The following SP100 variants were observed in gnomAD, a reference collection of about 807,000 sequenced individuals.
SP100 encodes the protein SP100 nuclear body protein.
SP100 carries 84 observed loss-of-function variants against 130.0 expected under a neutral mutation model. That is an observed-to-expected ratio of 0.65 (90% CI 0.54 to 0.77). The LOEUF (loss-of-function observed/expected upper bound fraction) is 0.77, where lower values mean the gene tolerates loss of function less well. Ranked by LOEUF, SP100 falls within the 30% of genes least tolerant of loss-of-function variation. SP100 has a pLI of 0.00. For missense variants in SP100, 978 were observed against 1,052.2 expected, an observed-to-expected ratio of 0.93 and a Z score of 0.97; for synonymous variants, 331 against 351.7, an observed-to-expected ratio of 0.94 and a Z score of 0.66.
chr2:230,449,122 G>T lies in SP100; in HGVS notation c.558G>T (p.Trp186Cys). The T allele has an allele frequency of 1.2e-6, 2 of 1,613,404 alleles. No individual in the cohort carries two copies. The highest frequency in any genetic ancestry group is 1.6e-4 in the Middle Eastern group (1 of 6,062). Reference sequence around the variant, plus strand: ...AAAACTCTTTTCGAAGCCTGACTTGGCCACCTTCGGGTTCCCCATCTCATG... The same window carrying T: ...AAAACTCTTTTCGAAGCCTGACTTGTCCACCTTCGGGTTCCCCATCTCATG... ...TGENSFRSLTWPPSGSPSHAG... is the reference protein window; with the variant it reads ...TGENSFRSLTCPPSGSPSHAG... Residue 186 changes from tryptophan (W) to cysteine (C), a missense_variant, in exon 6 of 29, where the codon TGG becomes TGT. Transcript: ENST00000340126.
intron 8 of SP100, among the ~76,000 whole-genome samples, chr2:230,452,617 C>T (rs188264813): frequency 1.9e-4 from 29 of 152,212 alleles, no homozygotes; most frequent in African/African-American, 6.5e-4. Flanking sequence ...TTCATCAATG[C>T]CTTAGCATTT....
chr2:230,511,005 A>T, intron 23 of SP100, 120 bp from the exon 24 acceptor site: 1 of 735,832 alleles, frequency 1.4e-6, no homozygotes, highest in South Asian at 1.5e-5. Context: ...ATAAAAGCAG[A>T]CATGAAACAA....
At chr2:230,433,194 G>A (rs1331781867) in intron 2 of SP100, among the ~76,000 whole-genome samples, 1 of 152,176 alleles carries the variant, frequency 6.6e-6, no homozygotes, top group East Asian at 1.9e-4. Flanking sequence ...TGAGGTAAGG[G>A]TCTAATTTCA....
intron 8 of SP100, among the ~76,000 whole-genome samples, chr2:230,451,025 G>C (rs1235809814): frequency 6.6e-6 from 1 of 152,122 alleles, no homozygotes; most frequent in Non-Finnish European, 1.5e-5. Context: ...TTTACAATGG[G>C]TTTATTGAAG....
intron 2 of SP100, among the ~76,000 whole-genome samples, chr2:230,428,307 C>T (rs576868728): frequency 1.8e-4 from 28 of 152,304 alleles, no homozygotes; most frequent in African/African-American, 6.7e-4. Context: ...TTAATTGACT[C>T]AGTTCCACAG....
chr2:230,444,140 G>A (rs1178790979), intron 3 of SP100, 38 bp from the exon 4 acceptor site: 1 of 1,428,584 alleles, frequency 7.0e-7, no homozygotes, highest in Admixed American at 2.2e-5. Flanking sequence ...TGACTTGGAA[G>A]TCTTTATTTA....
chr2:230,469,124 A>G (rs755739787), intron 14 of SP100, 28 bp downstream of exon 14: 3 of 1,378,734 alleles, frequency 2.2e-6, no homozygotes, highest in Non-Finnish European at 3.1e-6. Context: ...CTCTTGATGT[A>G]ACAAATGTCT....
chr2:230,542,697 A>C, intron 28 of SP100, 139 bp from the exon 29 acceptor site: 1 of 501,490 alleles, frequency 2.0e-6, no homozygotes. Context: ...TAAATTATCA[A>C]GGAACATAAG....
At chr2:230,443,182 G>A in intron 3 of SP100, 83 bp downstream of exon 3, 1 of 1,383,116 alleles carries the variant, frequency 7.2e-7, no homozygotes, top group Non-Finnish European at 1.0e-6. Context: ...AAAACTTCAG[G>A]GTACAATTTG....
At position 230,495,427 on chromosome 2, in the gene SP100, A is replaced by G. The variant is rs191867810; in HGVS notation, c.1645+967A>G. 3.3e-5 allele frequency among the ~76,000 whole-genome samples: 5 copies of G among 152,254 alleles called. No individual in the cohort carries two copies. In the South Asian group the frequency reaches 6.2e-4, roughly 19 times the overall value. On this transcript the variant is annotated intron_variant, in intron 18 of 28. Transcript: ENST00000340126. ...AACCTCTGCCTCCCAGGTTCAAGCA[A>G]TTCTGCCTCAGCCTCCCGAGTAGCT... is the stretch of plus-strand genomic sequence containing the variant.
Position 230,511,150 on chromosome 2 carries a change from C to A in SP100, c.2078C>A (p.Thr693Asn), listed in dbSNP as rs1036447394. 13 of 1,608,538 alleles carry A rather than the reference C, an allele frequency of 8.1e-6. No individual in the cohort carries two copies. In the East Asian group the frequency reaches 2.9e-4, roughly 36 times the overall value. ...KKRILESHNNTLVDPCPENSN... is the reference protein window; with the variant it reads ...KKRILESHNNNLVDPCPENSN... ...AGAATACTGGAATCTCACAACAATA[C>A]CTTAGTTGACCCTTGTGTAAGTATA... The change falls in exon 24 of 29, where the codon ACC becomes AAC. Residue 693 changes from threonine (T) to asparagine (N), a missense_variant. Physicochemically the swap from Thr to Asn is moderately conservative, Grantham distance 65 (BLOSUM62 0). Coordinates refer to ENST00000340126, the MANE Select transcript of SP100 (RefSeq NM_001080391.2).
intron 2 of SP100, among the ~76,000 whole-genome samples, chr2:230,441,152 C>T (rs763487117): frequency 6.6e-6 from 1 of 151,934 alleles, no homozygotes; most frequent in Non-Finnish European, 1.5e-5. Context: ...TATAAATGGG[C>T]CAAAGACTTG....
intron 13 of SP100, 39 bp from the exon 14 acceptor site, chr2:230,469,004 A>C: frequency 8.1e-7 from 1 of 1,242,220 alleles, no homozygotes; most frequent in Non-Finnish European, 1.2e-6. Context: ...TAGATCTTTT[A>C]GTTAGATATT....
At chr2:230,468,290 A>G (rs1464447095) in intron 13 of SP100, among the ~76,000 whole-genome samples, 1 of 152,234 alleles carries the variant, frequency 6.6e-6, no homozygotes, top group Admixed American at 6.5e-5. Context: ...ATGTTTTATT[A>G]TTTTAGAAAG....
intron 6 of SP100, 105 bp from the exon 7 acceptor site, chr2:230,449,456 G>C (rs2063863074): frequency 7.7e-7 from 1 of 1,291,546 alleles, no homozygotes; most frequent in African/African-American, 1.5e-5. Context: ...TGTTGCCTTG[G>C]TGCCTTGACC....
intron 4 of SP100, among the ~76,000 whole-genome samples, chr2:230,446,286 C>G (rs1472316598): frequency 1.3e-5 from 2 of 151,980 alleles, no homozygotes; most frequent in African/African-American, 4.8e-5. Flanking sequence ...TTTTATTTTT[C>G]TTTTCAAAGA....
At chr2:230,502,937 T>G in intron 19 of SP100, 129 bp from the exon 20 acceptor site, 1 of 667,300 alleles carries the variant, frequency 1.5e-6, no homozygotes, top group South Asian at 2.2e-5. Context: ...CAAAAAAAGT[T>G]CCCGACTCCT....
At chr2:230,532,208 C>G (rs1036213477) in intron 24 of SP100, among the ~76,000 whole-genome samples, 2 of 148,690 alleles carry the variant, frequency 1.3e-5, no homozygotes, top group African/African-American at 2.4e-5. Context: ...AAGAGCTTTA[C>G]GGTTCCTAGA....
chr2:230,505,294 C>T (rs985209657), intron 21 of SP100, among the ~76,000 whole-genome samples: 1 of 152,184 alleles, frequency 6.6e-6, no homozygotes, highest in Non-Finnish European at 1.5e-5. Context: ...AACTAGCACC[C>T]ACTACAAGGG....
Sources: allele counts gnomAD v4.1 joint callset (sites outside exome capture counted in the v4.1 genomes callset), GRCh38; gene constraint gnomAD v4.1.1; transcripts MANE v1.5; gene names NCBI Gene and HGNC (gene_info 2026-07-23, HGNC 2026-07-21).